The following URB1 variants were observed in gnomAD, a reference collection of about 807,000 sequenced individuals.
URB1 encodes URB1 ribosome biogenesis factor.
Under a neutral mutation model 242.3 loss-of-function variants are expected in URB1, and 197 were observed. The observed-to-expected ratio is 0.81, with a 90% CI of 0.72 to 0.91. The LOEUF is 0.91. Among genes scored for constraint, URB1 ranks in the 40% least tolerant of loss-of-function variants. URB1 has a pLI of 0.00. For synonymous variants in URB1, 1,153 were observed against 1,201.8 expected, an observed-to-expected ratio of 0.96 and a Z score of 0.84; for missense variants, 2,721 against 2,860.5, an observed-to-expected ratio of 0.95 and a Z score of 1.11.
intron 29 of URB1, 47 bp downstream of exon 29, chr21:32,334,116 A>C (rs1472065532): frequency 4.0e-6 from 6 of 1,487,704 alleles, no homozygotes; most frequent in Non-Finnish European, 5.4e-6. Context: ...GGAGCCCCTG[A>C]GGCTGGGGTG....
chr21:32,391,857 A>G (rs2033642263), intron 1 of URB1, among the ~76,000 whole-genome samples: 1 of 48,832 alleles, frequency 2.0e-5, no homozygotes, highest in South Asian at 6.5e-4. Flanking sequence ...TACAAAAAGT[A>G]AAAAAAAAAA....
chr21:32,363,185 C>A lies in URB1; in HGVS notation c.1480G>T (p.Val494Leu). 6.4e-7 allele frequency: 1 copy of A among 1,552,022 alleles called. No homozygotes were observed. Among genetic ancestry groups the A allele is most frequent in the South Asian group, 1.2e-5 (1 of 84,048 alleles). The change falls in exon 11 of 39, where the codon GTG becomes TTG. Residue 494 changes from valine (V) to leucine (L), a missense_variant. Physicochemically the swap from Val to Leu is conservative, Grantham distance 32 (BLOSUM62 1). Coordinates refer to ENST00000382751, the MANE Select transcript of URB1 (RefSeq NM_014825.3). ...VYTAVMMEEF[V>L]QLFREALSKI... The stretch of plus-strand genomic sequence containing the variant: ...CTCAGGGCTTCTCTGAAGAGCTGCA[C>A]GAATTCTTCCATCATCACAGCTGTG...
chr21:32,384,455 T>G lies in URB1; in HGVS notation c.292A>C (p.Ile98Leu). 2 of 1,550,888 alleles carry G rather than the reference T, an allele frequency of 1.3e-6. No individual in the cohort carries two copies. Among genetic ancestry groups the G allele is most frequent in the Non-Finnish European group, 1.7e-6 (2 of 1,146,188 alleles). Residue 98 changes from isoleucine to leucine, a missense_variant, in exon 3 of 39, where the codon ATA becomes CTA. Coordinates refer to ENST00000382751, the MANE Select transcript of URB1 (RefSeq NM_014825.3). Reference sequence around the variant, plus strand: ...AATATGGCCTCGAAAACTTGAAATATTAACATCGTCTGCAAAGACAGAATT... The same window carrying G: ...AATATGGCCTCGAAAACTTGAAATAGTAACATCGTCTGCAAAGACAGAATT... Reference protein sequence around the residue: ...EKRPESETMLIFQVFEAILLR... With the variant: ...EKRPESETMLLFQVFEAILLR...
At chr21:32,327,088 C>T (rs1038990422) in intron 30 of URB1, among the ~76,000 whole-genome samples, 3 of 151,972 alleles carry the variant, frequency 2.0e-5, no homozygotes, top group African/African-American at 4.8e-5. Flanking sequence ...TAAACCTAGA[C>T]AGCCAAGAAA....
chr21:32,324,678 G>A (rs749404570), intron 31 of URB1, 76 bp from the exon 32 acceptor site: 26 of 1,150,292 alleles, frequency 2.3e-5, no homozygotes, highest in African/African-American at 1.2e-4. Flanking sequence ...TGGTGCAGCC[G>A]AACCAGGGCT....
intron 21 of URB1, 97 bp downstream of exon 21, chr21:32,349,207 T>C: frequency 7.1e-7 from 1 of 1,404,868 alleles, no homozygotes; most frequent in Non-Finnish European, 9.4e-7. Flanking sequence ...TTCCCAATTT[T>C]CCCACAATGG....
chr21:32,382,495 T>A lies in URB1; in HGVS notation c.567+927A>T, dbSNP rs75808551. On this transcript the variant is annotated intron_variant, in intron 4 of 38. Coordinates refer to ENST00000382751, the MANE Select transcript of URB1 (RefSeq NM_014825.3). ...AAAGCTACTTGGTATTATCAACCCTTTAGTCCAATTCCCGGCAATGTAGAA... is the reference window on the plus strand; with the variant it reads ...AAAGCTACTTGGTATTATCAACCCTATAGTCCAATTCCCGGCAATGTAGAA... 3.7e-3 allele frequency among the ~76,000 whole-genome samples: 563 copies of A among 152,232 alleles called. 6 individuals carry two copies. The highest frequency in any genetic ancestry group is 0.013 in the African/African-American group (545 of 41,536).
At chr21:32,349,104 C>A (rs554227432) in intron 21 of URB1, among the ~76,000 whole-genome samples, 200 bp downstream of exon 21, 1 of 152,376 alleles carries the variant, frequency 6.6e-6, no homozygotes, top group African/African-American at 2.4e-5. Flanking sequence ...GGTGACTGTA[C>A]ACAGAAAAGC....
At chr21:32,372,652 T>C in intron 7 of URB1, 21 bp from the exon 8 acceptor site, 1 of 1,543,362 alleles carries the variant, frequency 6.5e-7, no homozygotes, top group African/African-American at 1.4e-5. Context: ...TTTTTAAAAA[T>C]TCAATGAAAA....
intron 14 of URB1, 130 bp from the exon 15 acceptor site, chr21:32,357,786 G>A: frequency 1.4e-6 from 1 of 721,392 alleles, no homozygotes; most frequent in Non-Finnish European, 1.8e-6. Flanking sequence ...TCAGCACTTT[G>A]GGAGGCCAAA....
Position 32,319,388 on chromosome 21 carries a change from T to C in URB1, c.5621A>G (p.Asn1874Ser). Residue 1874 changes from asparagine (N) to serine (S), a missense_variant, in exon 36 of 39, where the codon AAT becomes AGT. Asn to Ser is a conservative substitution (Grantham distance 46). Coordinates refer to ENST00000382751, the MANE Select transcript of URB1 (RefSeq NM_014825.3). ...CAGTGTGTGTAGCAAGGAGATCACA[T>C]TAGACAGCAGCGGAGTCTCCAGAAA... is the stretch of plus-strand genomic sequence containing the variant. ...SKFLETPLLS[N>S]VISLLHTLWV... 5 of 1,538,272 alleles carry C rather than the reference T, an allele frequency of 3.3e-6. No homozygotes were observed. The highest frequency in any genetic ancestry group is 4.4e-6 in the Non-Finnish European group (5 of 1,141,906).
Position 32,316,753 on chromosome 21 carries a change from G to C in URB1, c.6347C>G (p.Ala2116Gly). 6.4e-7 allele frequency: 1 copy of C among 1,550,994 alleles called. No individual in the cohort carries two copies. The change falls in exon 38 of 39, where the codon GCA becomes GGA. Residue 2116 changes from alanine to glycine, a missense_variant. By Grantham distance (60) the Ala-to-Gly change is moderately conservative. Transcript: ENST00000382751. Reference protein sequence around the residue: ...RSVAEHPLSRAEAAGLIGWLK... With the variant: ...RSVAEHPLSRGEAAGLIGWLK... ...CCAGCCAATGAGTCCTGCAGCCTCT[G>C]CCCTGCTGAGCGGGTGCTCGGCCAC...
intron 34 of URB1, 129 bp downstream of exon 34, chr21:32,321,672 C>A: frequency 2.2e-6 from 3 of 1,377,948 alleles, no homozygotes; most frequent in Non-Finnish European, 2.9e-6. Context: ...CTTCCCCTAA[C>A]TGAGAGCCAG....
intron 19 of URB1, among the ~76,000 whole-genome samples, chr21:32,352,468 A>G (rs1181145790): frequency 6.6e-6 from 1 of 152,204 alleles, no homozygotes; most frequent in African/African-American, 2.4e-5. Context: ...ACCTATTATC[A>G]TTATCAGGGA....
In URB1 at chr21:32,354,811, G is replaced by A. The variant is rs117211090; in HGVS notation, c.2245+48C>T. Reference sequence around the variant, plus strand: ...TCTCAATCTCTTAACACGTCACTGTGGCTTGGTCTTCAGACCTCTGAGCAG... The same window carrying A: ...TCTCAATCTCTTAACACGTCACTGTAGCTTGGTCTTCAGACCTCTGAGCAG... On this transcript the variant is annotated intron_variant, in intron 17 of 38. Coordinates refer to ENST00000382751, the MANE Select transcript of URB1 (RefSeq NM_014825.3). The A allele has an allele frequency of 4.9e-3, 7,479 of 1,531,938 alleles. 23 individuals are homozygous for A. The highest frequency in any genetic ancestry group is 6.0e-3 in the Non-Finnish European group (6,844 of 1,133,744). 94.9% of individuals were successfully genotyped at this position (1,531,938 alleles called of 1,614,324 possible).
intron 18 of URB1, among the ~76,000 whole-genome samples, 195 bp downstream of exon 18, chr21:32,353,738 A>G (rs2033185303): frequency 6.6e-6 from 1 of 152,204 alleles, no homozygotes; most frequent in South Asian, 2.1e-4. Flanking sequence ...ATTTCCCAAA[A>G]GCCTAGCCAG....
rs528910382 is a variant in URB1 at position 32,319,360 on chromosome 21, C to A, written c.5649G>T (p.Trp1883Cys). ...CTGCCTTGTCCCCCAGGTTGGTCAC[C>A]CACAGTGTGTGTAGCAAGGAGATCA... ...SNVISLLHTL[W>C]VTNLGDKAVE... The change falls in exon 36 of 39, where the codon TGG (tryptophan) becomes TGT (cysteine). Residue 1883 changes from tryptophan (W) to cysteine (C), a missense_variant. Coordinates refer to ENST00000382751, the MANE Select transcript of URB1 (RefSeq NM_014825.3). 6.4e-7 allele frequency: 1 copy of A among 1,550,452 alleles called. No individual in the cohort carries two copies. Among genetic ancestry groups the A allele is most frequent in the African/African-American group, 1.4e-5 (1 of 73,108 alleles).
intron 1 of URB1, among the ~76,000 whole-genome samples, chr21:32,390,683 A>G (rs1165606197): frequency 2.6e-5 from 4 of 152,072 alleles, no homozygotes; most frequent in African/African-American, 7.2e-5. Context: ...TCTCACACCA[A>G]TTAGAATGGC....
chr21:32,318,137 C>A (rs1478355675), intron 36 of URB1, among the ~76,000 whole-genome samples: 1 of 152,164 alleles, frequency 6.6e-6, no homozygotes, highest in Non-Finnish European at 1.5e-5. Flanking sequence ...GGAGTCTGAC[C>A]TGCACCCCAC....
Sources: gnomAD v4.1 joint callset for allele counts (sites outside exome capture counted in the v4.1 genomes callset) on GRCh38, gnomAD v4.1.1 for gene constraint, MANE v1.5 for transcripts, NCBI Gene and HGNC (gene_info 2026-07-23, HGNC 2026-07-21) for gene names.